Variants in PDE4D observed in about 807,000 individuals in gnomAD.
PDE4D encodes the protein 3',5'-cyclic-AMP phosphodiesterase 4D.
A neutral mutation model predicts 87.4 loss-of-function variants in PDE4D; 24 were observed. The ratio of observed to expected loss-of-function variants is 0.27; its 90% CI spans 0.20 to 0.39. The LOEUF (loss-of-function observed/expected upper bound fraction) is 0.39. Among genes scored for constraint, PDE4D ranks in the 10% least tolerant of loss-of-function variants. The probability of loss-of-function intolerance (pLI) is 1.00; values close to 1 mark genes in which losing one functional copy is unlikely to be tolerated. For synonymous variants in PDE4D, 384 were observed against 383.2 expected (o/e 1.00, Z -0.02); for missense variants, 714 against 1,041.0 (o/e 0.69, Z 4.32).
At chr5:59,707,639 C>T (rs1229077484) in intron 1 of PDE4D, among the ~76,000 whole-genome samples, 1 of 152,120 alleles carries the variant, frequency 6.6e-6, no homozygotes, top group Non-Finnish European at 1.5e-5. Flanking sequence ...CATGCATTAG[C>T]TACTTTTCCT....
intron 2 of PDE4D, among the ~76,000 whole-genome samples, chr5:60,121,171 C>CTA (rs151276300): frequency 8.0e-5 from 12 of 150,642 alleles, no homozygotes; most frequent in Admixed American, 4.0e-4. Context: ...TGAGTTAATA[C>CTA]TATATATATA....
At chr5:59,363,657 T>C (rs1477395191) in intron 1 of PDE4D, among the ~76,000 whole-genome samples, 1 of 152,180 alleles carries the variant, frequency 6.6e-6, no homozygotes, top group Non-Finnish European at 1.5e-5. Flanking sequence ...AATCTGAGAC[T>C]CATAGAGGTT....
At chr5:60,338,353 A>G (rs994421004) in intron 1 of PDE4D, among the ~76,000 whole-genome samples, 6 of 152,230 alleles carry the variant, frequency 3.9e-5, no homozygotes, top group African/African-American at 1.4e-4. Flanking sequence ...AATCACGACC[A>G]CTATCCTGTA....
rs183087632 is a variant in PDE4D, at chr5:60,210,364, A to C, written c.-89-24677T>G. On this transcript the variant is annotated intron_variant, in intron 1 of 16. Coordinates refer to the PDE4D transcript ENST00000502484. The stretch of plus-strand genomic sequence containing the variant: ...TCTCATTTGTTTTTTTTTTAAAAAA[A>C]CAACTTTTAAAACCACATGCTAAAA... Among the ~76,000 whole-genome samples, 148 of 152,144 alleles carry C rather than the reference A, an allele frequency of 9.7e-4. 2 individuals carry two copies. Among genetic ancestry groups the C allele is most frequent in the Admixed American group, 6.5e-3 (99 of 15,286 alleles).
chr5:59,662,459 A>T (rs1262354272), intron 1 of PDE4D, among the ~76,000 whole-genome samples: 1 of 152,206 alleles, frequency 6.6e-6, no homozygotes, highest in African/African-American at 2.4e-5. Context: ...TGTCAAAACC[A>T]TTTGAATCCT....
At chr5:60,220,149 G>A (rs1248893341) in intron 1 of PDE4D, among the ~76,000 whole-genome samples, 1 of 152,156 alleles carries the variant, frequency 6.6e-6, no homozygotes, top group East Asian at 1.9e-4. Flanking sequence ...GCTTGTGGGT[G>A]GCAGTGGGGG....
At chr5:59,243,010 C>G (rs1417319201) in intron 1 of PDE4D, among the ~76,000 whole-genome samples, 1 of 152,166 alleles carries the variant, frequency 6.6e-6, no homozygotes, top group Non-Finnish European at 1.5e-5. Context: ...ATTTAAGAGA[C>G]AGCAGGCACA....
chr5:59,002,483 G>T (rs1383914572), intron 6 of PDE4D, among the ~76,000 whole-genome samples: 3 of 151,480 alleles, frequency 2.0e-5, no homozygotes, highest in Non-Finnish European at 4.4e-5. Context: ...TAAGCCATTA[G>T]GTTGAAAAAA....
intron 1 of PDE4D, among the ~76,000 whole-genome samples, chr5:59,864,232 T>C (rs924797658): frequency 6.6e-6 from 1 of 152,226 alleles, no homozygotes; most frequent in Non-Finnish European, 1.5e-5. Flanking sequence ...GCTGGTAGTC[T>C]GAAACCTTAT....
intron 1 of PDE4D, among the ~76,000 whole-genome samples, chr5:60,290,661 T>C (rs759363393): frequency 1.3e-5 from 2 of 151,918 alleles, no homozygotes; most frequent in Non-Finnish European, 2.9e-5. Flanking sequence ...AAAAGTTAGC[T>C]GTGCATGGTG....
intron 6 of PDE4D, chr5:58,999,490 T>A: frequency 6.6e-7 from 1 of 1,520,432 alleles, no homozygotes; most frequent in Non-Finnish European, 9.0e-7. Flanking sequence ...AAGTCTTACC[T>A]TTATGTAGCC....
Position 59,735,673 on chromosome 5 carries a change from CT to C in PDE4D, c.455+157494del, listed in dbSNP as rs534466184. ...CAAAATATCTATCACAGAAACAAAA[CT>C]TTTTTTTTTCGAGACAGAATCTCGC... On this transcript the variant is annotated intron_variant, in intron 1 of 14. Transcript: ENST00000340635. 8.0e-5 allele frequency among the ~76,000 whole-genome samples: 12 copies of C among 150,050 alleles called. No homozygotes were observed. In the South Asian group the frequency reaches 1.3e-3, roughly 16 times the overall value.
intron 2 of PDE4D, among the ~76,000 whole-genome samples, chr5:60,104,411 TA>T (rs2149339350): frequency 6.6e-6 from 1 of 152,340 alleles, no homozygotes; most frequent in South Asian, 2.1e-4. Context: ...CCTGCCTCTG[TA>T]GGCTCCACCT....
chr5:59,888,638 G>A (rs1300331224), intron 1 of PDE4D, among the ~76,000 whole-genome samples: 3 of 151,822 alleles, frequency 2.0e-5, no homozygotes, highest in African/African-American at 7.3e-5. Context: ...TTTCCAATAT[G>A]CTTTTTTTTA....
At chr5:60,190,760 C>T (rs1231518958) in intron 1 of PDE4D, among the ~76,000 whole-genome samples, 1 of 152,140 alleles carries the variant, frequency 6.6e-6, no homozygotes, top group East Asian at 1.9e-4. Context: ...TGTAGTCTTC[C>T]CAGCACAGTT....
chr5:59,905,693 A>G (rs192417169), intron 3 of PDE4D, among the ~76,000 whole-genome samples: 116 of 152,246 alleles, frequency 7.6e-4, no homozygotes, highest in Admixed American at 2.2e-3. Context: ...GCTCAGCACA[A>G]TATCTGTTAC....
intron 1 of PDE4D, among the ~76,000 whole-genome samples, chr5:59,284,442 T>C (rs920542696): frequency 1.3e-5 from 2 of 152,148 alleles, no homozygotes; most frequent in Admixed American, 1.3e-4. Context: ...ATGTGTTTTT[T>C]GGCTGCATAA....
chr5:59,740,350 T>A (rs945800266), intron 1 of PDE4D, among the ~76,000 whole-genome samples: 1 of 152,188 alleles, frequency 6.6e-6, no homozygotes, highest in Admixed American at 6.5e-5. Flanking sequence ...TCCTTTTTTT[T>A]CTTGCTGGTA....
At chr5:60,100,914 T>C (rs1363597587) in intron 2 of PDE4D, among the ~76,000 whole-genome samples, 1 of 152,092 alleles carries the variant, frequency 6.6e-6, no homozygotes, top group Non-Finnish European at 1.5e-5. Flanking sequence ...CATCCATCTG[T>C]GAGAAGACTT....
Sources: gnomAD v4.1 joint callset for allele counts (sites outside exome capture counted in the v4.1 genomes callset) on GRCh38, gnomAD v4.1.1 for gene constraint, MANE v1.5 for transcripts, NCBI Gene and HGNC (gene_info 2026-07-23, HGNC 2026-07-21) for gene names.